Variants in LPCAT1 observed in about 807,000 individuals in gnomAD.
LPCAT1 encodes 1-acylglycerol-3-phosphate O-acyltransferase.
Under a neutral mutation model 60.9 loss-of-function variants are expected in LPCAT1, and 23 were observed. That is an observed-to-expected ratio of 0.38 (90% confidence interval 0.27 to 0.53). The LOEUF (loss-of-function observed/expected upper bound fraction) is 0.53. Ranked by LOEUF, LPCAT1 falls within the 20% of genes least tolerant of loss-of-function variation. The pLI, the probability that LPCAT1 is intolerant of heterozygous loss-of-function variation, is 0.82. For missense variants in LPCAT1, 622 were observed against 723.6 expected, an observed-to-expected ratio of 0.86 and a Z score of 1.61; for synonymous variants, 340 against 301.1, an observed-to-expected ratio of 1.13 and a Z score of -1.34.
chr5:1,485,348 C>G (rs1735331136), intron 5 of LPCAT1, among the ~76,000 whole-genome samples: 1 of 152,162 alleles, frequency 6.6e-6, no homozygotes, highest in South Asian at 2.1e-4. Context: ...CAGCAGCACC[C>G]AGACCCCGCC....
chr5:1,465,469 A>G (rs1734339945), intron 13 of LPCAT1, among the ~76,000 whole-genome samples: 1 of 73,806 alleles, frequency 1.4e-5, no homozygotes, highest in Non-Finnish European at 3.1e-5. Context: ...CTAAACATGC[A>G]TGCACACACA....
chr5:1,478,617 G>A (rs1398343973), intron 8 of LPCAT1, among the ~76,000 whole-genome samples: 1 of 152,268 alleles, frequency 6.6e-6, no homozygotes, highest in East Asian at 1.9e-4. Flanking sequence ...TCAGGCCCGG[G>A]CCAAGGCCCT....
chr5:1,463,784 A>G lies in LPCAT1; in HGVS notation c.1472T>C (p.Leu491Pro), dbSNP rs1331476848. 7 of 1,614,148 alleles carry G rather than the reference A, an allele frequency of 4.3e-6. No homozygotes were observed. Among genetic ancestry groups the G allele is most frequent in the Non-Finnish European group, 5.9e-6 (7 of 1,180,052 alleles). The change falls in exon 14 of 14, where the codon CTG (leucine) becomes CCG (proline). Residue 491 changes from leucine to proline, a missense_variant. Leu to Pro is a moderately conservative substitution (Grantham distance 98). This residue lies in a region of LPCAT1 where 288 missense variants were observed against 283.6 expected (regional missense o/e 1.02). Transcript: ENST00000283415. ...EMYPAFAEEY[L>P]YPDQTHFESC... ...TTCGAAATGTGTCTGATCCGGGTAC[A>G]GGTATTCCTCTGCGAAGGCAGGGTA...
rs1225430434 is a variant in LPCAT1 at position 1,466,857 on chromosome 5, C to T, written c.1312G>A (p.Glu438Lys). 5 of 1,608,936 alleles carry T rather than the reference C, an allele frequency of 3.1e-6. No individual in the cohort carries two copies. Among genetic ancestry groups the T allele is most frequent in the Admixed American group, 1.7e-5 (1 of 59,746 alleles). Residue 438 changes from glutamate to lysine, a missense_variant, in exon 13 of 14, where the codon GAA becomes AAA. By Grantham distance (56) the Glu-to-Lys change is moderately conservative. Transcript: ENST00000283415. ...TTGAGGATGCAGGACAGGTCACCTT[C>T]GCCGACGCTGCCGTCCTCTTGCGCT... is the stretch of plus-strand genomic sequence containing the variant. ...YGAQEDGSVG[E>K]GDLSCILKTA...
chr5:1,498,700 T>C (rs1017143861), intron 2 of LPCAT1, among the ~76,000 whole-genome samples: 1 of 152,082 alleles, frequency 6.6e-6, no homozygotes, highest in Non-Finnish European at 1.5e-5. Context: ...CACGTACATG[T>C]ATGTGCACAC....
chr5:1,520,039 C>T (rs371207922), intron 1 of LPCAT1, among the ~76,000 whole-genome samples: 21 of 152,360 alleles, frequency 1.4e-4, no homozygotes, highest in Non-Finnish European at 2.8e-4. Flanking sequence ...AGGCAGGCAG[C>T]ACCCAGGGAC....
chr5:1,484,946 G>C (rs1735315012), intron 5 of LPCAT1, among the ~76,000 whole-genome samples: 1 of 152,192 alleles, frequency 6.6e-6, no homozygotes, highest in African/African-American at 2.4e-5. Context: ...GGGAGGCGGA[G>C]GACGGCAGGG....
chr5:1,473,928 C>CA, intron 11 of LPCAT1, 29 bp downstream of exon 11: 1 of 1,596,114 alleles, frequency 6.3e-7, no homozygotes, highest in African/African-American at 1.3e-5. Flanking sequence ...GTTTTGCCGA[C>CA]ACCCCGCTCC....
At chr5:1,501,805 C>T (rs1316937093) in intron 1 of LPCAT1, among the ~76,000 whole-genome samples, 1 of 152,122 alleles carries the variant, frequency 6.6e-6, no homozygotes, top group African/African-American at 2.4e-5. Flanking sequence ...CAGTGCTGAC[C>T]GGCGCTGACC....
intron 2 of LPCAT1, among the ~76,000 whole-genome samples, chr5:1,500,573 G>A (rs1735967287): frequency 6.6e-6 from 1 of 152,200 alleles, no homozygotes; most frequent in African/African-American, 2.4e-5. Context: ...TGGCTGACAT[G>A]CAGTCTCGGA....
chr5:1,489,704 G>T (rs754332609), intron 4 of LPCAT1, 42 bp downstream of exon 4: 1 of 1,419,678 alleles, frequency 7.0e-7, no homozygotes, highest in South Asian at 1.1e-5. Context: ...CGCATCTTTC[G>T]GAATAAAACC....
At position 1,483,290 on chromosome 5, in the gene LPCAT1, A is replaced by C; in HGVS notation, c.726+138T>G. On this transcript the variant is annotated intron_variant, in intron 6 of 13. Coordinates refer to ENST00000283415, the MANE Select transcript of LPCAT1 (RefSeq NM_024830.5). The surrounding 1 kb of genome is among the most constrained non-coding windows in gnomAD (Gnocchi z 9.2). ...CCTCTCCAGCGCTGAGGCCGGATGG[A>C]CTCAGCATGGCCAAGTGTGGGCTGT... 3.1e-6 allele frequency: 3 copies of C among 973,280 alleles called. No homozygotes were observed. Among genetic ancestry groups the C allele is most frequent in the Non-Finnish European group, 4.9e-6 (3 of 609,062 alleles). 60.3% of individuals were successfully genotyped at this position (973,280 alleles called of 1,614,324 possible).
In LPCAT1 at chr5:1,480,409, G is replaced by C; in HGVS notation, c.761+533C>G. On this transcript the variant is annotated intron_variant, in intron 7 of 13. Transcript: ENST00000283415. The surrounding 1 kb of genome is among the most constrained non-coding windows in gnomAD (Gnocchi z 6.4). ...CCTCTGCCCTCCCGACGTCAGCTCAGACGTCAGCACCCAGGAGGCCCTGAC... is the reference window on the plus strand; with the variant it reads ...CCTCTGCCCTCCCGACGTCAGCTCACACGTCAGCACCCAGGAGGCCCTGAC... The C allele has an allele frequency of 1.0e-6, 1 of 984,356 alleles. No individual in the cohort carries two copies. The highest frequency in any genetic ancestry group is 1.2e-6 in the Non-Finnish European group (1 of 828,980). The allele number at this position is 984,356 out of a possible 1,614,324, so 61.0% of individuals were successfully genotyped here.
intron 2 of LPCAT1, among the ~76,000 whole-genome samples, chr5:1,500,007 C>T (rs1041680575): frequency 6.6e-6 from 1 of 152,258 alleles, no homozygotes. Flanking sequence ...ATGCTTTAGG[C>T]TCTACAGCCA....
At chr5:1,475,148 C>A (rs2126504805) in intron 9 of LPCAT1, among the ~76,000 whole-genome samples, 1 of 152,340 alleles carries the variant, frequency 6.6e-6, no homozygotes, top group East Asian at 1.9e-4. Flanking sequence ...GCGGGCTGTG[C>A]CCTCACTCCC....
intron 2 of LPCAT1, among the ~76,000 whole-genome samples, chr5:1,500,048 T>C (rs530917791): frequency 3.9e-5 from 6 of 152,238 alleles, no homozygotes; most frequent in Non-Finnish European, 8.8e-5. Context: ...CTTGGCCCGG[T>C]TCCCCACCAA....
rs780580539 is a variant in LPCAT1, at chr5:1,466,806, T to G, written c.1363A>C (p.Thr455Pro). The G allele has an allele frequency of 1.9e-6, 3 of 1,613,192 alleles. No individual in the cohort carries two copies. The Admixed American group carries it at 5.0e-5, about 27-fold the overall frequency. ...LKTALGVAEL[T>P]VTDLFRAIDQ... The stretch of plus-strand genomic sequence containing the variant: ...ATGGCTCGGAATAGGTCGGTCACGG[T>G]GAGCTCTGCCACCCCCAGGGCCGTC... Residue 455 changes from threonine (T) to proline (P), a missense_variant, in exon 13 of 14, where the codon ACC (threonine) becomes CCC (proline). Transcript: ENST00000283415.
Position 1,489,835 on chromosome 5 carries a change from C to G in LPCAT1, c.517G>C (p.Val173Leu). The G allele has an allele frequency of 6.2e-7, 1 of 1,613,624 alleles. No individual in the cohort carries two copies. Among genetic ancestry groups the G allele is most frequent in the Non-Finnish European group, 8.5e-7 (1 of 1,179,484 alleles). ...WGTLIQYIRPVFVSRSDQDSR... is the reference protein window; with the variant it reads ...WGTLIQYIRPLFVSRSDQDSR... Reference sequence around the variant, plus strand: ...TCCTGGTCTGACCGGGACACGAACACAGGCCGTATATACTGGATCAGAGCT... The same window carrying G: ...TCCTGGTCTGACCGGGACACGAACAGAGGCCGTATATACTGGATCAGAGCT... The change falls in exon 4 of 14, where the codon GTG (valine) becomes CTG (leucine). Residue 173 changes from valine (V) to leucine (L), a missense_variant. Transcript: ENST00000283415.
chr5:1,493,518 C>T (rs997656136), intron 3 of LPCAT1, among the ~76,000 whole-genome samples: 1 of 152,272 alleles, frequency 6.6e-6, no homozygotes, highest in Non-Finnish European at 1.5e-5. Flanking sequence ...GTGAGGGCCC[C>T]GGCCATAGGC....
Sources: gnomAD v4.1 joint callset for allele counts (sites outside exome capture counted in the v4.1 genomes callset) on GRCh38, gnomAD v4.1.1 for gene constraint, gnomAD v4.1.1 regional missense constraint, Gnocchi (gnomAD v3.1) non-coding constraint, MANE v1.5 for transcripts, NCBI Gene and HGNC (gene_info 2026-07-23, HGNC 2026-07-21) for gene names.